Variants in IRAG1 observed in about 807,000 individuals in gnomAD.
IRAG1 encodes the protein inositol 1,4,5-triphosphate receptor associated 1, also known as IP3R-associated cGMP kinase substrate.
Under a neutral mutation model 106.2 loss-of-function variants are expected in IRAG1, and 62 were observed. The ratio of observed to expected loss-of-function variants is 0.58; its 90% CI spans 0.48 to 0.72. The LOEUF is 0.72. Ranked by LOEUF, IRAG1 falls within the 30% of genes least tolerant of loss-of-function variation. IRAG1 has a pLI of 0.00. For missense variants in IRAG1, 1,064 were observed against 1,140.7 expected, an observed-to-expected ratio of 0.93 and a Z score of 0.97; for synonymous variants, 462 against 443.9, an observed-to-expected ratio of 1.04 and a Z score of -0.51.
Position 10,581,864 on chromosome 11 carries a change from C to G in IRAG1, c.2360+3G>C. 6.2e-7 allele frequency: 1 copy of G among 1,613,484 alleles called. No individual in the cohort carries two copies. The highest frequency in any genetic ancestry group is 1.7e-4 in the Middle Eastern group (1 of 6,052). ...CCCTTGGGGTGGCTGAGGTCTGACT[C>G]ACCCCTTGCTGTAGGCTTCTTCCTC... On this transcript the variant is annotated splice_donor_region_variant and intron_variant, in intron 19 of 20. Coordinates refer to ENST00000423302, the MANE Select transcript of IRAG1 (RefSeq NM_130385.4).
intron 2 of IRAG1, among the ~76,000 whole-genome samples, chr11:10,640,386 ATC>A (rs1387937019): frequency 6.6e-6 from 1 of 152,268 alleles, no homozygotes; most frequent in Non-Finnish European, 1.5e-5. Context: ...TTGATGGAAC[ATC>A]CTGGAAGGTT....
At position 10,657,315 on chromosome 11, in the gene IRAG1, G is replaced by A. The variant is rs1007952908; in HGVS notation, c.68-5133C>T. 3.3e-5 allele frequency among the ~76,000 whole-genome samples: 5 copies of A among 152,146 alleles called. No individual in the cohort carries two copies. The highest frequency in any genetic ancestry group is 9.7e-5 in the African/African-American group (4 of 41,432). On this transcript the variant is annotated intron_variant, in intron 1 of 20. Transcript: ENST00000423302. The surrounding 1 kb of genome is among the most constrained non-coding windows in gnomAD (Gnocchi z 4.1). ...TGAATGGCAGTGCTGGGAATTCACC[G>A]AATCTGGGTCTGATGCTCCCCTTCC... is the stretch of plus-strand genomic sequence containing the variant.
intron 1 of IRAG1, chr11:10,652,489 TG>T: frequency 5.4e-6 from 3 of 557,012 alleles, no homozygotes; most frequent in Non-Finnish European, 5.7e-6. Context: ...GATACTCCAT[TG>T]AGATCACATT....
intron 3 of IRAG1, 22 bp downstream of exon 3, chr11:10,633,946 T>C (rs1338423341): frequency 2.8e-6 from 4 of 1,453,738 alleles, no homozygotes; most frequent in Non-Finnish European, 3.8e-6. Flanking sequence ...TTTGTCACAA[T>C]GCAAGGATCA....
chr11:10,586,392 C>G (rs957811975), intron 18 of IRAG1, among the ~76,000 whole-genome samples: 2 of 151,794 alleles, frequency 1.3e-5, no homozygotes, highest in Non-Finnish European at 1.5e-5. Context: ...CTCCCCCACA[C>G]CCTCTGGTTA....
At chr11:10,684,233 T>C (rs925503178) in intron 1 of IRAG1, among the ~76,000 whole-genome samples, 30 of 152,202 alleles carry the variant, frequency 2.0e-4, no homozygotes, top group Non-Finnish European at 3.7e-4. Flanking sequence ...ATAGACTGGA[T>C]TAAGAAAATG....
In IRAG1 at chr11:10,606,825, C is replaced by G. The variant is rs1854514923; in HGVS notation, c.1572-53G>C. The G allele has an allele frequency of 4.6e-6, 7 of 1,507,344 alleles. No individual in the cohort carries two copies. The African/African-American group carries it at 5.6e-5, about 12-fold the overall frequency. The allele number at this position is 1,507,344 out of a possible 1,614,324, so 93.4% of individuals were successfully genotyped here. ...CTGTGTGCAACCTAGTCAATAGACC[C>G]AAAGGTGACTCTGAATGACCAGCAG... On this transcript the variant is annotated intron_variant, in intron 11 of 20. Transcript: ENST00000423302.
At chr11:10,682,772 CACTTTT>C (rs1361647926) in intron 1 of IRAG1, among the ~76,000 whole-genome samples, 34 of 152,218 alleles carry the variant, frequency 2.2e-4, no homozygotes, top group African/African-American at 7.2e-4. Context: ...TCTTTGAAGA[CACTTTT>C]ACTTTAAGCA....
At chr11:10,581,141 TC>T in intron 19 of IRAG1, among the ~76,000 whole-genome samples, 1 of 152,180 alleles carries the variant, frequency 6.6e-6, no homozygotes, top group East Asian at 1.9e-4. Context: ...GTGGTTTTTC[TC>T]CCCCAGGGTC....
intron 15 of IRAG1, among the ~76,000 whole-genome samples, chr11:10,596,957 C>T (rs1853383985): frequency 6.6e-6 from 1 of 152,234 alleles, no homozygotes; most frequent in African/African-American, 2.4e-5. Flanking sequence ...ACTCTGGACT[C>T]AGCCTAATAC....
chr11:10,592,251 T>G (rs1266710869), intron 17 of IRAG1, among the ~76,000 whole-genome samples: 4 of 152,182 alleles, frequency 2.6e-5, no homozygotes, highest in African/African-American at 9.7e-5. Context: ...AATAATGGTT[T>G]AAAAGTACCC....
At chr11:10,669,759 C>T (rs1860073481) in intron 1 of IRAG1, among the ~76,000 whole-genome samples, 1 of 152,100 alleles carries the variant, frequency 6.6e-6, no homozygotes, top group African/African-American at 2.4e-5. Flanking sequence ...TCCTTGCAGA[C>T]ACCCCCATGG....
chr11:10,583,907 A>G (rs887437238), intron 18 of IRAG1, among the ~76,000 whole-genome samples: 18 of 152,096 alleles, frequency 1.2e-4, no homozygotes, highest in African/African-American at 4.3e-4. Flanking sequence ...TCATCTGCTG[A>G]GAGTGAGAGG....
intron 1 of IRAG1, among the ~76,000 whole-genome samples, chr11:10,678,611 G>A (rs559312772): frequency 6.6e-5 from 10 of 152,236 alleles, no homozygotes; most frequent in South Asian, 2.1e-4. Flanking sequence ...CCACCACAGC[G>A]GCCCTCTCTC....
In IRAG1 at chr11:10,659,448, A is replaced by C. The variant is rs1033610663; in HGVS notation, c.68-7266T>G. Among the ~76,000 whole-genome samples the C allele has an allele frequency of 6.6e-6, 1 of 152,172 alleles. No homozygotes were observed. Among genetic ancestry groups the C allele is most frequent in the Non-Finnish European group, 1.5e-5 (1 of 68,014 alleles). On this transcript the variant is annotated intron_variant, in intron 1 of 20. Transcript: ENST00000423302. This position sits in a 1 kb window ranked among gnomAD's most constrained non-coding sequence, Gnocchi z 4.1. ...TGAGGAAGTGGAAGTCACTTCCCCC[A>C]AGACTGTGTCCCCTAAACAAAGTCA...
At chr11:10,684,602 TATAATAATAATAATAATAATAATA>T (rs72177457) in intron 1 of IRAG1, among the ~76,000 whole-genome samples, 3 of 138,946 alleles carry the variant, frequency 2.2e-5, no homozygotes, top group East Asian at 2.2e-4. Context: ...AAACTTAAAG[TATAATAATAATAATAATAATAATA>T]ATAATAATAA....
chr11:10,690,447 G>A (rs1589989698), intron 1 of IRAG1: 1 of 1,271,866 alleles, frequency 7.9e-7, no homozygotes, highest in East Asian at 5.6e-5. Flanking sequence ...CCCTTGCAGA[G>A]AAGGCAGGGC....
chr11:10,594,241 C>T (rs1343360492), intron 15 of IRAG1, 46 bp from the exon 16 acceptor site: 2 of 1,567,144 alleles, frequency 1.3e-6, no homozygotes, highest in Non-Finnish European at 1.7e-6. Flanking sequence ...AAGTTTCAGG[C>T]TAGGCACCAG....
intron 10 of IRAG1, chr11:10,611,682 G>T (rs1157988267): frequency 6.6e-6 from 1 of 152,124 alleles, no homozygotes; most frequent in Non-Finnish European, 1.5e-5. Context: ...AAATTACTAG[G>T]AATAAATGTA....
Sources: allele counts gnomAD v4.1 joint callset (sites outside exome capture counted in the v4.1 genomes callset), GRCh38; gene constraint gnomAD v4.1.1; non-coding constraint Gnocchi (gnomAD v3.1); transcripts MANE v1.5; gene names NCBI Gene and HGNC (gene_info 2026-07-23, HGNC 2026-07-21).